Variants in DNAH6 observed in about 807,000 individuals in gnomAD.
DNAH6 encodes axonemal beta dynein heavy chain 6.
A neutral mutation model predicts 491.4 loss-of-function variants in DNAH6; 340 were observed. That is an observed-to-expected ratio of 0.69 (90% CI 0.63 to 0.76). The LOEUF (loss-of-function observed/expected upper bound fraction) is 0.76, where lower values mean the gene tolerates loss of function less well. Ranked by LOEUF, DNAH6 falls within the 30% of genes least tolerant of loss-of-function variation. DNAH6 has a pLI of 0.00. For synonymous variants in DNAH6, 1,603 were observed against 1,686.1 expected (o/e 0.95, Z 1.21); for missense variants, 4,443 against 4,972.2 (o/e 0.89, Z 3.20).
chr2:84,513,505 ATTAC>A (rs1675411887), upstream of DNAH6, among the ~76,000 whole-genome samples: 1 of 152,076 alleles, frequency 6.6e-6, no homozygotes, highest in Non-Finnish European at 1.5e-5. Flanking sequence ...TATTCCCATA[ATTAC>A]TTTTAAATTT....
intron 29 of DNAH6, among the ~76,000 whole-genome samples, chr2:84,631,301 C>T (rs1162815715): frequency 6.6e-6 from 1 of 152,144 alleles, no homozygotes; most frequent in Non-Finnish European, 1.5e-5. Context: ...TGTGTAACTG[C>T]TTCACCTTTA....
intron 33 of DNAH6, among the ~76,000 whole-genome samples, chr2:84,648,049 ATATTT>A (rs1372911150): frequency 6.6e-6 from 1 of 152,206 alleles, no homozygotes; most frequent in Non-Finnish European, 1.5e-5. Flanking sequence ...AACAGTTTTT[ATATTT>A]TATTTTCACA....
the DNAH6 span, among the ~76,000 whole-genome samples, chr2:84,489,432 A>G: frequency 6.6e-6 from 1 of 152,084 alleles, no homozygotes; most frequent in Admixed American, 6.6e-5. Context: ...ACCTAAACCT[A>G]CAGATGCAGG....
In DNAH6 at chr2:84,819,365, G is replaced by A; in HGVS notation, c.12434G>A (p.Trp4145Ter). ...LLPSKRSKDY[W>*]IAKGSALLCQ... ...CCCTCCAAGCGGTCCAAAGACTACT[G>A]GATTGCCAAGGGATCAGCTTTGCTC... The change falls in exon 77 of 77, where the codon TGG (tryptophan) becomes TAG (stop). Residue 4145 changes from tryptophan to a stop codon, truncating the protein, a stop_gained. Transcript: ENST00000389394. LOFTEE classifies it high-confidence loss of function. 6.4e-7 allele frequency: 1 copy of A among 1,551,422 alleles called. No individual in the cohort carries two copies.
At chr2:84,600,671 A>T (rs1685122545) in intron 18 of DNAH6, among the ~76,000 whole-genome samples, 1 of 152,106 alleles carries the variant, frequency 6.6e-6, no homozygotes, top group Non-Finnish European at 1.5e-5. Flanking sequence ...CAAGACAGGT[A>T]AAGTACCATT....
At chr2:84,599,363 GA>G (rs11340043) in intron 18 of DNAH6, among the ~76,000 whole-genome samples, 122,513 of 151,894 alleles carry the variant, frequency 0.81, 52,089 homozygotes, top group East Asian at 0.99. Context: ...TTTCTTTTAT[GA>G]ATCAAGCTTT....
Position 84,745,218 on chromosome 2 carries a change from T to C in DNAH6, c.10481T>C (p.Leu3494Pro). 6.6e-7 allele frequency: 1 copy of C among 1,523,538 alleles called. No homozygotes were observed. The allele number at this position is 1,523,538 out of a possible 1,614,324, so 94.4% of individuals were successfully genotyped here. The change falls in exon 63 of 77, where the codon CTA (leucine) becomes CCA (proline). Residue 3494 changes from leucine to proline, a missense_variant. Leu to Pro is a moderately conservative substitution (Grantham distance 98). Coordinates refer to ENST00000389394, the MANE Select transcript of DNAH6 (RefSeq NM_001370.2). ...WSAGLSSFHK[L>P]ILIKCCKEEK... is the part of the protein sequence containing the mutation. ...GCAGGATTGAGTTCTTTCCATAAGC[T>C]AATTCTTATTAAATGTTGTAAAGAA...
At chr2:84,635,071 C>T (rs1004035066) in intron 30 of DNAH6, among the ~76,000 whole-genome samples, 1 of 152,022 alleles carries the variant, frequency 6.6e-6, no homozygotes, top group African/African-American at 2.4e-5. Flanking sequence ...TCGGAAGAGC[C>T]CCAGACGTCC....
intron 53 of DNAH6, 121 bp from the exon 54 acceptor site, chr2:84,707,399 A>C: frequency 1.1e-6 from 1 of 940,486 alleles, no homozygotes; most frequent in Middle Eastern, 3.3e-4. Context: ...TTTCATAGAG[A>C]TGTATTGACA....
chr2:84,680,363 G>A (rs534999159), intron 41 of DNAH6, among the ~76,000 whole-genome samples: 150 of 152,138 alleles, frequency 9.9e-4, no homozygotes, highest in African/African-American at 3.2e-3. Context: ...AAGCACTTGC[G>A]GGTCAAGGAC....
chr2:84,815,860 G>C lies in DNAH6; in HGVS notation c.12151-1G>C. 6.5e-7 allele frequency: 1 copy of C among 1,548,360 alleles called. No homozygotes were observed. Among genetic ancestry groups the C allele is most frequent in the Non-Finnish European group, 8.7e-7 (1 of 1,144,688 alleles). On this transcript the variant is annotated splice_acceptor_variant, in intron 75 of 76. Coordinates refer to ENST00000389394, the MANE Select transcript of DNAH6 (RefSeq NM_001370.2). LOFTEE classifies it high-confidence loss of function. The stretch of plus-strand genomic sequence containing the variant: ...CTTTGAGACTTGTGGGTATCTTTCA[G>C]TTGCCCTCTCCTGAGGATGGTGTTC...
chr2:84,736,999 T>C (rs1220344072), intron 62 of DNAH6, among the ~76,000 whole-genome samples: 1 of 152,172 alleles, frequency 6.6e-6, no homozygotes, highest in Non-Finnish European at 1.5e-5. Context: ...TTGAGGTATA[T>C]TCCTTTGATG....
rs61217837 is a variant in DNAH6 at position 84,683,412 on chromosome 2, A to ATTTTTTTTTTT, written c.6917-1897_6917-1887dup. Reference sequence around the variant, plus strand: ...GTGCCCTTTGTTCTACACCACTCTTATTTTTTTTTTTTTTTTTTTTTTTTT... The same window carrying ATTTTTTTTTTT: ...GTGCCCTTTGTTCTACACCACTCTTATTTTTTTTTTTTTTTTTTTTTTTTTTTTTTTTTTTT... On this transcript the variant is annotated intron_variant, in intron 42 of 76. Coordinates refer to ENST00000389394, the MANE Select transcript of DNAH6 (RefSeq NM_001370.2). Among the ~76,000 whole-genome samples, 10 of 93,920 alleles carry ATTTTTTTTTTT rather than the reference A, an allele frequency of 1.1e-4. 1 individual carries two copies. Among genetic ancestry groups the ATTTTTTTTTTT allele is most frequent in the Non-Finnish European group, 1.3e-4 (6 of 47,928 alleles). The allele number at this position is 93,920 out of a possible 152,430, so 61.6% of individuals were successfully genotyped here. A position where few individuals can be genotyped will look rare whatever the true frequency, so the allele number is the denominator to read the frequency against.
At chr2:84,722,283 G>A (rs1392507607) in intron 59 of DNAH6, among the ~76,000 whole-genome samples, 1 of 152,120 alleles carries the variant, frequency 6.6e-6, no homozygotes, top group Non-Finnish European at 1.5e-5. Context: ...GCCCTGGACT[G>A]CTCACAAAGA....
At chr2:84,634,772 GGCTC>G in intron 30 of DNAH6, 131 bp downstream of exon 30, 1 of 1,146,706 alleles carries the variant, frequency 8.7e-7, no homozygotes, top group Non-Finnish European at 1.2e-6. Context: ...AGGGGACCTT[GGCTC>G]TCCAGAGCTC....
At chr2:84,550,198 C>T in intron 9 of DNAH6, 141 bp downstream of exon 9, 1 of 655,722 alleles carries the variant, frequency 1.5e-6, no homozygotes, top group Non-Finnish European at 2.5e-6. Flanking sequence ...ACATTTTGGA[C>T]ACCAGAGACC....
chr2:84,697,754 G>A (rs1257761480), intron 47 of DNAH6, 27 bp downstream of exon 47: 1 of 1,551,210 alleles, frequency 6.4e-7, no homozygotes, highest in Non-Finnish European at 8.7e-7. Context: ...TAGTTATGTG[G>A]CTTTATCACA....
intron 4 of DNAH6, among the ~76,000 whole-genome samples, chr2:84,537,179 AT>A: frequency 6.6e-6 from 1 of 152,148 alleles, no homozygotes; most frequent in Admixed American, 6.6e-5. Context: ...AAAACGTAAA[AT>A]ATTGTTTATA....
At chr2:84,718,481 G>A (rs1278706137) in intron 59 of DNAH6, 97 bp downstream of exon 59, 6 of 1,036,830 alleles carry the variant, frequency 5.8e-6, no homozygotes, top group South Asian at 4.7e-5. Flanking sequence ...AAAGCAAGAC[G>A]GGGGCCACAC....
Sources: allele counts gnomAD v4.1 joint callset (sites outside exome capture counted in the v4.1 genomes callset), GRCh38; gene constraint gnomAD v4.1.1; transcripts MANE v1.5; gene names NCBI Gene and HGNC (gene_info 2026-07-23, HGNC 2026-07-21).